SH3RF2: variants seen among roughly 807,000 people sequenced by gnomAD.
SH3RF2 encodes the protein SH3 domain containing ring finger 2.
SH3RF2 carries 43 observed loss-of-function variants against 59.0 expected under a neutral mutation model. The observed-to-expected ratio is 0.73, with a 90% CI of 0.57 to 0.94. The LOEUF is 0.94. Ranked by LOEUF, SH3RF2 falls within the 40% of genes least tolerant of loss-of-function variation. The pLI is 0.00. For missense variants in SH3RF2, 930 were observed against 940.1 expected (o/e 0.99, Z 0.14); for synonymous variants, 391 against 391.5 (o/e 1.00, Z 0.01).
intron 2 of SH3RF2, among the ~76,000 whole-genome samples, chr5:145,956,613 A>T (rs1292228637): frequency 6.6e-6 from 1 of 152,070 alleles, no homozygotes; most frequent in Non-Finnish European, 1.5e-5. Context: ...TTCTAGGTAG[A>T]GGGGAAGAAG....
At chr5:145,958,280 G>A (rs908618086) in intron 2 of SH3RF2, among the ~76,000 whole-genome samples, 2 of 152,252 alleles carry the variant, frequency 1.3e-5, no homozygotes, top group Admixed American at 6.5e-5. Flanking sequence ...AACCCTGTAA[G>A]GCTGAATCAT....
At chr5:146,075,366 T>C (rs1175046155) in intron 9 of SH3RF2, among the ~76,000 whole-genome samples, 2 of 152,280 alleles carry the variant, frequency 1.3e-5, no homozygotes, top group Non-Finnish European at 2.9e-5. Context: ...ATAAATACTA[T>C]TACTACCCCC....
At chr5:146,051,393 G>A (rs1284565955) in intron 7 of SH3RF2, among the ~76,000 whole-genome samples, 1 of 152,150 alleles carries the variant, frequency 6.6e-6, no homozygotes, top group African/African-American at 2.4e-5. Context: ...CTATACAAAG[G>A]AAAAGGGGGA....
At chr5:145,939,146 T>C (rs1757714148) in intron 2 of SH3RF2, among the ~76,000 whole-genome samples, 1 of 152,216 alleles carries the variant, frequency 6.6e-6, no homozygotes, top group African/African-American at 2.4e-5. Flanking sequence ...AGGGCACATC[T>C]GGAAAGAAGG....
chr5:146,025,703 T>C (rs188966406), intron 5 of SH3RF2, among the ~76,000 whole-genome samples: 49 of 137,138 alleles, frequency 3.6e-4, no homozygotes, highest in Admixed American at 3.2e-3. Context: ...GTGGAATCTA[T>C]GGATTCTGTT....
At chr5:146,069,389 G>A (rs1763181358) in intron 9 of SH3RF2, among the ~76,000 whole-genome samples, 1 of 152,074 alleles carries the variant, frequency 6.6e-6, no homozygotes, top group Non-Finnish European at 1.5e-5. Context: ...AGTGATTTGG[G>A]GGCTTTTAAA....
chr5:146,042,129 T>C (rs920989040), intron 5 of SH3RF2, among the ~76,000 whole-genome samples: 1 of 152,006 alleles, frequency 6.6e-6, no homozygotes, highest in Non-Finnish European at 1.5e-5. Flanking sequence ...CTGGAGGAAA[T>C]AGCTGAGAGC....
At chr5:145,948,702 A>G (rs1447060043) in intron 2 of SH3RF2, among the ~76,000 whole-genome samples, 2 of 152,128 alleles carry the variant, frequency 1.3e-5, no homozygotes, top group Non-Finnish European at 2.9e-5. Context: ...ATGGCAACCC[A>G]CCCTCAGGTA....
intron 9 of SH3RF2, among the ~76,000 whole-genome samples, chr5:146,072,210 G>C (rs1284286680): frequency 6.6e-6 from 1 of 152,146 alleles, no homozygotes; most frequent in Non-Finnish European, 1.5e-5. Context: ...TTACTCATCA[G>C]AAAAGTGGGA....
chr5:146,049,112 G>A lies in SH3RF2; in HGVS notation c.1189G>A (p.Asp397Asn), dbSNP rs763141840. The A allele has an allele frequency of 5.6e-6, 9 of 1,613,982 alleles. No individual in the cohort carries two copies. Among genetic ancestry groups the A allele is most frequent in the South Asian group, 2.2e-5 (2 of 91,074 alleles). ...GCACTCCTACTCAGCCCATGGACCC[G>A]ATGAGCTGGACCTGCAAAAGGGAGA... ...ALHSYSAHGPDELDLQKGEGV... is the reference protein window; with the variant it reads ...ALHSYSAHGPNELDLQKGEGV... Residue 397 changes from aspartate to asparagine, a missense_variant, in exon 7 of 10, where the codon GAT becomes AAT. Asp to Asn is a conservative substitution (Grantham distance 23). Transcript: ENST00000359120.
chr5:146,074,036 C>CTTTT (rs70998053), intron 9 of SH3RF2, among the ~76,000 whole-genome samples: 16 of 117,196 alleles, frequency 1.4e-4, no homozygotes, highest in African/African-American at 4.5e-4. Context: ...CATTAACACT[C>CTTTT]TTTTTTTTTT....
At chr5:146,005,759 T>C (rs1334005278) in intron 4 of SH3RF2, among the ~76,000 whole-genome samples, 3 of 151,586 alleles carry the variant, frequency 2.0e-5, no homozygotes, top group Non-Finnish European at 4.4e-5. Context: ...TTTCAGCAAG[T>C]AGTTAAACCC....
chr5:146,062,363 A>G (rs887036055), intron 9 of SH3RF2, 63 bp from the exon 10 acceptor site: 17 of 1,563,290 alleles, frequency 1.1e-5, no homozygotes, highest in South Asian at 2.4e-5. Flanking sequence ...AAGTGGGGAC[A>G]AGCATGGGGA....
chr5:146,057,980 C>CTATATATATATATATATATA (rs1196213101), intron 8 of SH3RF2, among the ~76,000 whole-genome samples: 12 of 129,402 alleles, frequency 9.3e-5, no homozygotes, highest in Middle Eastern at 3.9e-3. Flanking sequence ...ATCTATCTAT[C>CTATATATATATATATATATA]TATCTATATA....
intron 5 of SH3RF2, among the ~76,000 whole-genome samples, chr5:146,014,655 A>G (rs985159816): frequency 6.6e-6 from 1 of 152,208 alleles, no homozygotes; most frequent in African/African-American, 2.4e-5. Context: ...CCAAGCAAAG[A>G]GCCCTGTGTG....
chr5:145,977,087 C>G (rs1360226382), intron 2 of SH3RF2, among the ~76,000 whole-genome samples: 1 of 152,236 alleles, frequency 6.6e-6, no homozygotes, highest in Non-Finnish European at 1.5e-5. Context: ...GATGGGAAAA[C>G]TGAGGCTTGG....
chr5:146,074,369 T>C (rs59181973), intron 9 of SH3RF2, among the ~76,000 whole-genome samples: 36,747 of 151,818 alleles, frequency 0.24, 5,048 homozygotes, highest in Admixed American at 0.34. Context: ...AGGATGAACA[T>C]AGGGAAGATG....
At chr5:146,013,677 A>G (rs2149993001) in intron 4 of SH3RF2, 70 bp from the exon 5 acceptor site, 7 of 1,565,808 alleles carry the variant, frequency 4.5e-6, no homozygotes, top group East Asian at 2.2e-5. Context: ...TCAGATGTAC[A>G]TGGGTAGGAA....
downstream of SH3RF2, among the ~76,000 whole-genome samples, chr5:146,063,792 G>A (rs1210906258): frequency 6.6e-6 from 1 of 152,056 alleles, no homozygotes; most frequent in African/African-American, 2.4e-5. Context: ...CCCGGGAGGC[G>A]GAGATTACAG....
Sources: gnomAD v4.1 joint callset for allele counts (sites outside exome capture counted in the v4.1 genomes callset) on GRCh38, gnomAD v4.1.1 for gene constraint, MANE v1.5 for transcripts, NCBI Gene and HGNC (gene_info 2026-07-23, HGNC 2026-07-21) for gene names.